ZNF736: variants seen among roughly 807,000 people sequenced by gnomAD.
The protein encoded by ZNF736 is zinc finger protein 736.
Under a neutral mutation model 11.7 loss-of-function variants are expected in ZNF736, and 6 were observed. The ratio of observed to expected loss-of-function variants is 0.51; its 90% confidence interval spans 0.28 to 1.01. The LOEUF is 1.01. Among genes scored for constraint, ZNF736 ranks in the 50% least tolerant of loss-of-function variants. The probability of loss-of-function intolerance (pLI) is 0.09; values close to 1 mark genes in which losing one functional copy is unlikely to be tolerated. For missense variants in ZNF736, 444 were observed against 496.0 expected (o/e 0.90, Z 1.00); for synonymous variants, 139 against 164.7 (o/e 0.84, Z 1.19).
At position 64,314,023 on chromosome 7, in the gene ZNF736, G is replaced by T. The variant is rs1226722615; in HGVS notation, c.-128G>T. 41 of 1,325,050 alleles carry T rather than the reference G, an allele frequency of 3.1e-5. No individual in the cohort carries two copies. In the East Asian group the frequency reaches 8.3e-4, roughly 27 times the overall value. 82.1% of individuals were successfully genotyped at this position (1,325,050 alleles called of 1,614,324 possible). ...CTTCCGGGCTCTGATCCTAGTTCGC[G>T]TCTCCACTGTTCCATCTCCTCCGTT... is the stretch of plus-strand genomic sequence containing the variant. On this transcript the variant is annotated 5_prime_UTR_variant, in exon 1 of 4. Transcript: ENST00000423484.
rs576758161 is a variant in ZNF736, at chr7:64,317,423, G to A, written c.3+3270G>A. 3.9e-5 allele frequency among the ~76,000 whole-genome samples: 6 copies of A among 152,236 alleles called. No individual in the cohort carries two copies. The South Asian group carries it at 1.2e-3, about 32-fold the overall frequency. On this transcript the variant is annotated intron_variant, in intron 1 of 3. Transcript: ENST00000423484. The stretch of plus-strand genomic sequence containing the variant: ...ATAATTAGCAGATTTTTTTCAAATA[G>A]AATCTTAATCTAAAACAGATTGGTG...
rs751592123 is a variant in ZNF736, at chr7:64,348,903, G to T, written c.1040G>T (p.Gly347Val). ...GEKPYICEECGKAFTRSSTLF... is the reference protein window; with the variant it reads ...GEKPYICEECVKAFTRSSTLF... ...AAACCCTACATCTGTGAAGAATGTGGCAAAGCCTTTACCCGCTCCTCAACC... is the reference window on the plus strand; with the variant it reads ...AAACCCTACATCTGTGAAGAATGTGTCAAAGCCTTTACCCGCTCCTCAACC... The change falls in exon 4 of 4, where the codon GGC becomes GTC. Residue 347 changes from glycine (G) to valine (V), a missense_variant. By Grantham distance (109) the Gly-to-Val change is moderately radical. Transcript: ENST00000423484. The T allele has an allele frequency of 1.9e-6, 3 of 1,608,326 alleles. No individual in the cohort carries two copies. Among genetic ancestry groups the T allele is most frequent in the African/African-American group, 2.7e-5 (2 of 74,704 alleles).
intron 3 of ZNF736, among the ~76,000 whole-genome samples, chr7:64,347,873 C>T (rs970861971): frequency 2.0e-5 from 3 of 152,132 alleles, no homozygotes; most frequent in East Asian, 1.9e-4. Context: ...TGGTTCTTGG[C>T]GTTTTGCTCA....
rs1423168466 is a variant in ZNF736, at chr7:64,356,537, A to G, written c.*7390A>G. ...TTTTTTAAGATTGAGGATAATATGT[A>G]AAATAATTTATACAAGTAATATAAA... On this transcript the variant is annotated 3_prime_UTR_variant, in exon 4 of 4. Transcript: ENST00000423484. Among the ~76,000 whole-genome samples the G allele has an allele frequency of 1.3e-5, 2 of 152,178 alleles. No homozygotes were observed. The highest frequency in any genetic ancestry group is 2.9e-5 in the Non-Finnish European group (2 of 68,022).
chr7:64,343,961 T>TTA (rs1359336815), intron 3 of ZNF736, among the ~76,000 whole-genome samples: 5 of 152,112 alleles, frequency 3.3e-5, no homozygotes, highest in East Asian at 1.9e-4. Flanking sequence ...TGCTTTTTTT[T>TTA]TTTTTATTTT....
In ZNF736 at chr7:64,355,302, A is replaced by G. The variant is rs544375667; in HGVS notation, c.*6155A>G. The G allele has an allele frequency of 6.2e-6, 1 of 161,164 alleles. No homozygotes were observed. The highest frequency in any genetic ancestry group is 2.0e-4 in the South Asian group (1 of 5,020). The allele number at this position is 161,164 out of a possible 1,614,324, so 10.0% of individuals were successfully genotyped here. A position where few individuals can be genotyped will look rare whatever the true frequency, so the allele number is the denominator to read the frequency against. ...CTCTTTTCATATAGATTAATAAAATATGGTTTTAGTCTTCCTTCTCTATAT... is the reference window on the plus strand; with the variant it reads ...CTCTTTTCATATAGATTAATAAAATGTGGTTTTAGTCTTCCTTCTCTATAT... On this transcript the variant is annotated 3_prime_UTR_variant, in exon 4 of 4. Transcript: ENST00000423484.
chr7:64,332,159 A>G (rs186941104), intron 1 of ZNF736, among the ~76,000 whole-genome samples: 1 of 146,918 alleles, frequency 6.8e-6, no homozygotes, highest in East Asian at 2.5e-4. Flanking sequence ...AGACTGTCCA[A>G]CTTTTTCTTC....
At chr7:64,330,188 G>A (rs777295004) in intron 1 of ZNF736, among the ~76,000 whole-genome samples, 8 of 151,744 alleles carry the variant, frequency 5.3e-5, no homozygotes, top group Non-Finnish European at 7.4e-5. Context: ...ACGGAGTCTC[G>A]CTCTGTAGCC....
chr7:64,331,977 C>T lies in ZNF736; in HGVS notation c.4-4282C>T, dbSNP rs1395032309. Among the ~76,000 whole-genome samples the T allele has an allele frequency of 3.3e-5, 5 of 152,104 alleles. No individual in the cohort carries two copies. In the East Asian group the frequency reaches 9.6e-4, roughly 29 times the overall value. On this transcript the variant is annotated intron_variant, in intron 1 of 3. Transcript: ENST00000423484. Reference sequence around the variant, plus strand: ...CAGTCTTTATCTGCAATTCTAGGTCCTTCTGCCTGTGGGTGTGGTGGTTTC... The same window carrying T: ...CAGTCTTTATCTGCAATTCTAGGTCTTTCTGCCTGTGGGTGTGGTGGTTTC...
intron 1 of ZNF736, among the ~76,000 whole-genome samples, chr7:64,328,081 C>T (rs1789106310): frequency 1.6e-5 from 1 of 61,492 alleles, no homozygotes; most frequent in South Asian, 4.8e-4. Context: ...ATTTATAGTA[C>T]TAAAAATTTT....
intron 3 of ZNF736, among the ~76,000 whole-genome samples, chr7:64,344,262 A>C (rs1789379634): frequency 6.6e-6 from 1 of 152,236 alleles, no homozygotes; most frequent in East Asian, 1.9e-4. Flanking sequence ...AGACGGCACC[A>C]CTGCACTCCA....
At chr7:64,327,561 C>G (rs539924531) in intron 1 of ZNF736, among the ~76,000 whole-genome samples, 2 of 152,118 alleles carry the variant, frequency 1.3e-5, no homozygotes, top group Non-Finnish European at 2.9e-5. Flanking sequence ...TAAAGACTTA[C>G]ACCTGCCATT....
intron 1 of ZNF736, among the ~76,000 whole-genome samples, chr7:64,320,938 A>G (rs1261893876): frequency 6.6e-6 from 1 of 152,232 alleles, no homozygotes; most frequent in Non-Finnish European, 1.5e-5. Flanking sequence ...CATTTGCAAG[A>G]TGAAGCTCCA....
Position 64,329,067 on chromosome 7 carries a change from C to T in ZNF736, c.4-7192C>T, listed in dbSNP as rs141769572. The stretch of plus-strand genomic sequence containing the variant: ...TGTTGAGAGACTCTAATGAATTCTT[C>T]AATGTCTTTTGAATTTTCAGCACCA... On this transcript the variant is annotated intron_variant, in intron 1 of 3. Coordinates refer to ENST00000423484, the MANE Select transcript of ZNF736 (RefSeq NM_001170905.3). 1.7e-3 allele frequency among the ~76,000 whole-genome samples: 259 copies of T among 151,768 alleles called. 1 individual carries two copies. The highest frequency in any genetic ancestry group is 5.6e-3 in the African/African-American group (233 of 41,476).
At chr7:64,343,302 A>G (rs1191725648) in intron 3 of ZNF736, among the ~76,000 whole-genome samples, 1 of 152,178 alleles carries the variant, frequency 6.6e-6, no homozygotes, top group Admixed American at 6.5e-5. Context: ...AAATTAATGG[A>G]AAAAAACCAG....
chr7:64,337,702 A>G (rs938390791), intron 3 of ZNF736, among the ~76,000 whole-genome samples: 1 of 150,920 alleles, frequency 6.6e-6, no homozygotes, highest in Non-Finnish European at 1.5e-5. Flanking sequence ...GTCATTGGGG[A>G]GCTTAAAACA....
At chr7:64,322,938 A>T (rs1236918126) in intron 1 of ZNF736, among the ~76,000 whole-genome samples, 1 of 152,208 alleles carries the variant, frequency 6.6e-6, no homozygotes, top group Non-Finnish European at 1.5e-5. Flanking sequence ...TCTATTACTT[A>T]ATTACTAAAG....
At position 64,348,145 on chromosome 7, in the gene ZNF736, ATT is replaced by A; in HGVS notation, c.284_285del (p.Phe95SerfsTer12). ...ILPDHDIKDS[F>X]QKVILRKYGS... ...TGCCGGATCATGACATAAAAGATTC[ATT>A]TCAAAAAGTGATTCTGAGAAAATAT... is the stretch of plus-strand genomic sequence containing the variant. On this transcript the variant is annotated frameshift_variant, in exon 4 of 4. Coordinates refer to ENST00000423484, the MANE Select transcript of ZNF736 (RefSeq NM_001170905.3). LOFTEE classifies it low-confidence loss of function (END_TRUNC). 6.5e-7 allele frequency: 1 copy of A among 1,547,496 alleles called. No individual in the cohort carries two copies. Among genetic ancestry groups the A allele is most frequent in the East Asian group, 2.4e-5 (1 of 40,874 alleles).
chr7:64,332,325 C>T (rs1789182360), intron 1 of ZNF736, among the ~76,000 whole-genome samples: 1 of 152,104 alleles, frequency 6.6e-6, no homozygotes, highest in South Asian at 2.1e-4. Flanking sequence ...GGGGTGACAT[C>T]ACATATTGGT....
Sources: gnomAD v4.1 joint callset for allele counts (sites outside exome capture counted in the v4.1 genomes callset) on GRCh38, gnomAD v4.1.1 for gene constraint, MANE v1.5 for transcripts, NCBI Gene and HGNC (gene_info 2026-07-23, HGNC 2026-07-21) for gene names.